Variants in H2AZ2 observed in about 807,000 individuals in gnomAD.
The protein encoded by H2AZ2 is histone H2A.V.
H2AZ2 carries 5 observed loss-of-function variants against 15.5 expected under a neutral mutation model. The ratio of observed to expected loss-of-function variants is 0.32; its 90% CI spans 0.17 to 0.68. The LOEUF is 0.68. Ranked by LOEUF, H2AZ2 falls within the 30% of genes least tolerant of loss-of-function variation. H2AZ2 has a pLI of 0.72. For missense variants in H2AZ2, 42 were observed against 162.5 expected (o/e 0.26, Z 4.03); for synonymous variants, 44 against 57.4 (o/e 0.77, Z 1.05).
intron 3 of H2AZ2, among the ~76,000 whole-genome samples, chr7:44,836,049 T>C (rs969493375): frequency 3.5e-5 from 5 of 141,890 alleles, no homozygotes; most frequent in African/African-American, 1.3e-4. Flanking sequence ...AGCCTTGACC[T>C]CCCAAGTGCA....
chr7:44,844,315 G>A (rs1793347069), intron 1 of H2AZ2, among the ~76,000 whole-genome samples: 1 of 152,168 alleles, frequency 6.6e-6, no homozygotes, highest in South Asian at 2.1e-4. Context: ...GGGCCTTGAG[G>A]ACATTATGCT....
intron 1 of H2AZ2, among the ~76,000 whole-genome samples, chr7:44,845,036 T>C (rs1470049452): frequency 6.6e-6 from 1 of 152,208 alleles, no homozygotes; most frequent in Non-Finnish European, 1.5e-5. Flanking sequence ...AGATTGGCTG[T>C]TTGAGGGGCT....
intron 1 of H2AZ2, among the ~76,000 whole-genome samples, chr7:44,844,629 C>T (rs1205115302): frequency 3.3e-5 from 5 of 152,212 alleles, no homozygotes; most frequent in Admixed American, 6.5e-5. Context: ...ACTGGGATTA[C>T]AGGCGTGAGC....
intron 4 of H2AZ2, chr7:44,835,250 TAAA>T (rs1793091482): frequency 2.5e-6 from 1 of 403,330 alleles, no homozygotes; most frequent in Non-Finnish European, 4.4e-6. Context: ...CAAACACAGT[TAAA>T]AAAGTATGGG....
At chr7:44,846,269 C>T (rs2117048382) in intron 1 of H2AZ2, among the ~76,000 whole-genome samples, 1 of 152,248 alleles carries the variant, frequency 6.6e-6, no homozygotes, top group Non-Finnish European at 1.5e-5. Flanking sequence ...TTTTTAGCTA[C>T]TGGTAAGTGG....
chr7:44,847,002 A>AT (rs1793428185), intron 1 of H2AZ2, among the ~76,000 whole-genome samples: 1 of 152,164 alleles, frequency 6.6e-6, no homozygotes, highest in Non-Finnish European at 1.5e-5. Context: ...ATTCAATACC[A>AT]TATCTGTCAC....
downstream of H2AZ2, chr7:44,829,603 GAAAA>G (rs11297798): frequency 2.2e-5 from 3 of 138,216 alleles, no homozygotes; most frequent in Non-Finnish European, 1.5e-5. Flanking sequence ...TCTATTAAAG[GAAAA>G]AAAAAAAAAA....
At chr7:44,846,404 T>C (rs1408275476) in intron 1 of H2AZ2, among the ~76,000 whole-genome samples, 2 of 151,934 alleles carry the variant, frequency 1.3e-5, no homozygotes, top group African/African-American at 4.8e-5. Context: ...GATCACAAGG[T>C]CAAGAGATCG....
chr7:44,841,119 C>A, intron 2 of H2AZ2, 107 bp from the exon 3 acceptor site: 1 of 800,776 alleles, frequency 1.2e-6, no homozygotes, highest in East Asian at 2.7e-5. Flanking sequence ...AACTTGATCA[C>A]ACATATCAGA....
In H2AZ2 at chr7:44,843,265, T is replaced by C. The variant is rs750339562; in HGVS notation, c.81+12A>G. 2.2e-5 allele frequency: 35 copies of C among 1,564,834 alleles called. No homozygotes were observed. The highest frequency in any genetic ancestry group is 3.0e-5 in the Non-Finnish European group (34 of 1,149,994). ...AGAAAATAATAATGTAATGACAGCA[T>C]GGATTCATTACCTGTAGCCCAGCTC... On this transcript the variant is annotated intron_variant, in intron 2 of 4. Transcript: ENST00000308153.
chr7:44,831,840 T>G (rs1427736970), downstream of H2AZ2, among the ~76,000 whole-genome samples: 2 of 152,010 alleles, frequency 1.3e-5, no homozygotes, highest in Non-Finnish European at 1.5e-5. Context: ...ATGAATGGAG[T>G]GGGCTGGCAG....
At chr7:44,835,388 G>C (rs550026250) in intron 4 of H2AZ2, 141 bp downstream of exon 4, 4 of 573,484 alleles carry the variant, frequency 7.0e-6, no homozygotes, top group Non-Finnish European at 1.1e-5. Context: ...GAAAAGCTTA[G>C]AATTGTTATA....
In H2AZ2 at chr7:44,834,324, G is replaced by A. The variant is rs1179510088; in HGVS notation, c.*177C>T. ...CACACAACTGTCACCACATGAAAAG[G>A]TACTTTTATCAAACTTCGAGTCTAA... On this transcript the variant is annotated 3_prime_UTR_variant, in exon 5 of 5. Transcript: ENST00000308153. 1.5e-6 allele frequency: 2 copies of A among 1,332,250 alleles called. No homozygotes were observed. Among genetic ancestry groups the A allele is most frequent in the Non-Finnish European group, 1.9e-6 (2 of 1,035,250 alleles). 82.5% of individuals were successfully genotyped at this position (1,332,250 alleles called of 1,614,324 possible).
chr7:44,828,159 G>C (rs1172494689), downstream of H2AZ2: 1 of 152,138 alleles, frequency 6.6e-6, no homozygotes, highest in African/African-American at 2.4e-5. Flanking sequence ...GGCTGTGTCT[G>C]AGATATACAT....
rs78453116 is a variant in H2AZ2, at chr7:44,846,655, C to CAA, written c.3+1312_3+1313dup. On this transcript the variant is annotated intron_variant, in intron 1 of 4. Transcript: ENST00000308153. Reference sequence around the variant, plus strand: ...CCACAAAAAACAAACAACAAAAAACCAAAAAAAAAAAAAACCACAAAAAAC... The same window carrying CAA: ...CCACAAAAAACAAACAACAAAAAACCAAAAAAAAAAAAAAAACCACAAAAAAC... 5.1e-3 allele frequency among the ~76,000 whole-genome samples: 669 copies of CAA among 132,350 alleles called. 2 individuals carry two copies. The highest frequency in any genetic ancestry group is 7.4e-3 in the African/African-American group (259 of 34,778). The allele number at this position is 132,350 out of a possible 152,430, so 86.8% of individuals were successfully genotyped here.
downstream of H2AZ2, chr7:44,827,849 C>T (rs999375829): frequency 3.9e-5 from 6 of 152,152 alleles, no homozygotes; most frequent in Admixed American, 2.0e-4. Flanking sequence ...CCTTGTATCA[C>T]TTATAAAAAT....
intron 3 of H2AZ2, among the ~76,000 whole-genome samples, chr7:44,837,794 A>T (rs552557864): frequency 7.0e-6 from 1 of 143,052 alleles, no homozygotes; most frequent in African/African-American, 2.6e-5. Context: ...TGTAAACTTT[A>T]AAAATTTTAA....
At chr7:44,834,784 C>CTTTTT (rs35455193) in intron 4 of H2AZ2, 8 of 159,612 alleles carry the variant, frequency 5.0e-5, no homozygotes, top group South Asian at 2.4e-4. Flanking sequence ...GTAACCATAG[C>CTTTTT]TTTTTTTTTT....
intron 3 of H2AZ2, among the ~76,000 whole-genome samples, chr7:44,840,002 A>AAAT (rs1793234560): frequency 1.4e-5 from 2 of 141,956 alleles, no homozygotes; most frequent in African/African-American, 5.3e-5. Flanking sequence ...ACCCTGTCTC[A>AAAT]AAATAAATAA....
Sources: gnomAD v4.1 joint callset for allele counts (sites outside exome capture counted in the v4.1 genomes callset) on GRCh38, gnomAD v4.1.1 for gene constraint, MANE v1.5 for transcripts, NCBI Gene and HGNC (gene_info 2026-07-23, HGNC 2026-07-21) for gene names.